Variants in LPGAT1 observed in about 807,000 individuals in gnomAD.
LPGAT1 encodes the protein lysophosphatidylglycerol acyltransferase 1.
Under a neutral mutation model 47.5 loss-of-function variants are expected in LPGAT1, and 11 were observed. That is an observed-to-expected ratio of 0.23 (90% CI 0.15 to 0.38). The LOEUF (loss-of-function observed/expected upper bound fraction) is 0.38. LPGAT1 is among the 10% of genes least tolerant of loss of function. The pLI, the probability that LPGAT1 is intolerant of heterozygous loss-of-function variation, is 1.00. For synonymous variants in LPGAT1, 138 were observed against 144.2 expected, an observed-to-expected ratio of 0.96 and a Z score of 0.31; for missense variants, 293 against 439.0, an observed-to-expected ratio of 0.67 and a Z score of 2.97.
chr1:211,764,070 G>T, intron 6 of LPGAT1, among the ~76,000 whole-genome samples: 1 of 151,998 alleles, frequency 6.6e-6, no homozygotes, highest in Non-Finnish European at 1.5e-5. Flanking sequence ...TATGTGGGAG[G>T]CTGAGGCAGG....
rs183511207 is a variant in LPGAT1 at position 211,818,596 on chromosome 1, C to T, written c.238+10463G>A. On this transcript the variant is annotated intron_variant, in intron 2 of 7. Coordinates refer to ENST00000366997, the MANE Select transcript of LPGAT1 (RefSeq NM_014873.3). ...AAACTCTGAAAAGAAACTCCTAAAA[C>T]AAAGCCTAAATACTCAGCAAACCCT... 4.5e-4 allele frequency among the ~76,000 whole-genome samples: 69 copies of T among 152,304 alleles called. 1 individual carries two copies. The East Asian group carries it at 0.011, about 25-fold the overall frequency.
chr1:211,754,972 C>T (rs575944925), intron 6 of LPGAT1, among the ~76,000 whole-genome samples: 11 of 151,044 alleles, frequency 7.3e-5, no homozygotes, highest in Admixed American at 7.3e-4. Flanking sequence ...CGCAATGGCG[C>T]CACTGCACTC....
intron 2 of LPGAT1, among the ~76,000 whole-genome samples, chr1:211,806,704 A>T (rs1193381673): frequency 6.6e-6 from 1 of 152,234 alleles, no homozygotes; most frequent in Admixed American, 6.5e-5. Flanking sequence ...AGGTCTCATG[A>T]TCATATGAAT....
chr1:211,764,657 AC>A (rs1449528548), intron 6 of LPGAT1, among the ~76,000 whole-genome samples: 1 of 152,206 alleles, frequency 6.6e-6, no homozygotes, highest in African/African-American at 2.4e-5. Flanking sequence ...TCCCCCTGGA[AC>A]TATTAGAACA....
chr1:211,777,817 T>C (rs892230626), intron 6 of LPGAT1, among the ~76,000 whole-genome samples: 2 of 152,196 alleles, frequency 1.3e-5, no homozygotes, highest in Non-Finnish European at 2.9e-5. Flanking sequence ...CATTCCCAGA[T>C]AGTTAAGGCA....
intron 2 of LPGAT1, among the ~76,000 whole-genome samples, chr1:211,797,792 C>T (rs976383333): frequency 6.6e-6 from 1 of 152,116 alleles, no homozygotes; most frequent in Non-Finnish European, 1.5e-5. Context: ...TAACACGCTG[C>T]TCTATGAAAT....
At chr1:211,785,436 ATCG>A (rs1658834966) in intron 4 of LPGAT1, among the ~76,000 whole-genome samples, 1 of 152,132 alleles carries the variant, frequency 6.6e-6, no homozygotes, top group Non-Finnish European at 1.5e-5. Flanking sequence ...TTACTAATCT[ATCG>A]GGGAAAAACA....
chr1:211,811,812 C>T (rs1013530231), intron 2 of LPGAT1, among the ~76,000 whole-genome samples: 1 of 82,584 alleles, frequency 1.2e-5, no homozygotes. Context: ...TCTGCCATCC[C>T]GCCACTGCAC....
intron 2 of LPGAT1, among the ~76,000 whole-genome samples, chr1:211,813,858 C>T (rs536763054): frequency 2.0e-4 from 30 of 152,278 alleles, no homozygotes; most frequent in Non-Finnish European, 3.2e-4. Flanking sequence ...AGAACCACAA[C>T]CCCTGCCCTT....
chr1:211,751,099 T>C lies in LPGAT1; in HGVS notation c.855-32A>G, dbSNP rs149223221. 1.3e-3 allele frequency: 1,800 copies of C among 1,381,658 alleles called. 26 individuals are homozygous for C. In the African/African-American group the frequency reaches 0.023, roughly 18 times the overall value. The allele number at this position is 1,381,658 out of a possible 1,614,324, so 85.6% of individuals were successfully genotyped here. A position where few individuals can be genotyped will look rare whatever the true frequency, so the allele number is the denominator to read the frequency against. ...AGGGTTAGAAGAAAAGAACAAAAACTATTTAGTTCAGAAGTCAAAATCATT... is the reference window on the plus strand; with the variant it reads ...AGGGTTAGAAGAAAAGAACAAAAACCATTTAGTTCAGAAGTCAAAATCATT... On this transcript the variant is annotated intron_variant, in intron 6 of 7. Coordinates refer to ENST00000366997, the MANE Select transcript of LPGAT1 (RefSeq NM_014873.3).
intron 2 of LPGAT1, among the ~76,000 whole-genome samples, chr1:211,811,887 C>T (rs183595372): frequency 6.6e-6 from 1 of 152,172 alleles, no homozygotes; most frequent in African/African-American, 2.4e-5. Flanking sequence ...ATCTTTATAT[C>T]CTGGAGGATA....
intron 6 of LPGAT1, among the ~76,000 whole-genome samples, chr1:211,773,325 T>C (rs141072812): frequency 1.3e-4 from 20 of 152,270 alleles, no homozygotes; most frequent in African/African-American, 4.8e-4. Flanking sequence ...AAAATGTTAA[T>C]GTTTGTTTAC....
At chr1:211,783,829 G>A (rs1658736987) in intron 4 of LPGAT1, among the ~76,000 whole-genome samples, 1 of 152,206 alleles carries the variant, frequency 6.6e-6, no homozygotes, top group Admixed American at 6.5e-5. Flanking sequence ...ACATAGAGGA[G>A]GAAATAAAGA....
chr1:211,758,230 T>A (rs1657544494), intron 6 of LPGAT1, among the ~76,000 whole-genome samples: 1 of 152,250 alleles, frequency 6.6e-6, no homozygotes, highest in South Asian at 2.1e-4. Flanking sequence ...AATAGCCATT[T>A]ACATATAAGG....
chr1:211,830,747 C>T lies in LPGAT1; in HGVS notation c.-202G>A. On this transcript the variant is annotated 5_prime_UTR_variant, in exon 1 of 8. Coordinates refer to ENST00000366997, the MANE Select transcript of LPGAT1 (RefSeq NM_014873.3). The surrounding 1 kb of genome is among the most constrained non-coding windows in gnomAD (Gnocchi z 5.9). ...CGAGACTCGGTCCCCAAGGGCCCGGCCGCGTTCGCCCGGACTGGCGGGGAG... is the reference window on the plus strand; with the variant it reads ...CGAGACTCGGTCCCCAAGGGCCCGGTCGCGTTCGCCCGGACTGGCGGGGAG... The T allele has an allele frequency of 8.6e-6, 10 of 1,167,228 alleles. No homozygotes were observed. Among genetic ancestry groups the T allele is most frequent in the Non-Finnish European group, 9.5e-6 (9 of 946,680 alleles). 72.3% of individuals were successfully genotyped at this position (1,167,228 alleles called of 1,614,324 possible). A position where few individuals can be genotyped will look rare whatever the true frequency, so the allele number is the denominator to read the frequency against.
rs1029578923 is a variant in LPGAT1, at chr1:211,768,500, C to A, written c.854+10418G>T. Among the ~76,000 whole-genome samples the A allele has an allele frequency of 4.5e-4, 69 of 152,164 alleles. 1 individual carries two copies. Among genetic ancestry groups the A allele is most frequent in the African/African-American group, 1.6e-3 (68 of 41,444 alleles). ...TTTTTTTGTGGGGCAGGGAAAGGAA[C>A]AACATTTATCGTTTAGACTTTTGTT... On this transcript the variant is annotated intron_variant, in intron 6 of 7. Transcript: ENST00000366997.
chr1:211,801,582 C>CT (rs1659576600), intron 2 of LPGAT1, among the ~76,000 whole-genome samples: 1 of 151,908 alleles, frequency 6.6e-6, no homozygotes, highest in South Asian at 2.1e-4. Context: ...ACTGGGCATG[C>CT]TTATAGTCCT....
intron 3 of LPGAT1, 87 bp from the exon 4 acceptor site, chr1:211,787,814 T>C (rs1658949196): frequency 1.3e-6 from 1 of 771,470 alleles, no homozygotes; most frequent in African/African-American, 1.8e-5. Flanking sequence ...AATATAATCA[T>C]CCAAGCATAC....
chr1:211,785,950 C>T (rs1029971700), intron 4 of LPGAT1, among the ~76,000 whole-genome samples: 1 of 152,102 alleles, frequency 6.6e-6, no homozygotes, highest in Admixed American at 6.5e-5. Context: ...TCAACTGTTA[C>T]ACTACACTGT....
Sources: allele counts gnomAD v4.1 joint callset (sites outside exome capture counted in the v4.1 genomes callset), GRCh38; gene constraint gnomAD v4.1.1; non-coding constraint Gnocchi (gnomAD v3.1); transcripts MANE v1.5; gene names NCBI Gene and HGNC (gene_info 2026-07-23, HGNC 2026-07-21).